L3MBTL3: variants seen among roughly 807,000 people sequenced by gnomAD.
The protein encoded by L3MBTL3 is lethal(3)malignant brain tumor-like protein 3.
L3MBTL3 carries 27 observed loss-of-function variants against 102.3 expected under a neutral mutation model. The observed-to-expected ratio is 0.26, with a 90% CI of 0.19 to 0.36. The LOEUF (loss-of-function observed/expected upper bound fraction) is 0.36, where lower values mean the gene tolerates loss of function less well. Ranked by LOEUF, L3MBTL3 falls within the 10% of genes least tolerant of loss-of-function variation. L3MBTL3 has a pLI of 1.00. For missense variants in L3MBTL3, 798 were observed against 955.3 expected (o/e 0.84, Z 2.17); for synonymous variants, 340 against 320.9 (o/e 1.06, Z -0.64).
At chr6:130,046,572 G>A (rs1247471835) in intron 3 of L3MBTL3, among the ~76,000 whole-genome samples, 1 of 152,144 alleles carries the variant, frequency 6.6e-6, no homozygotes, top group Non-Finnish European at 1.5e-5. Flanking sequence ...TATATTTCAG[G>A]CATAATTTTT....
chr6:130,040,519 C>A (rs1780354907), intron 2 of L3MBTL3, among the ~76,000 whole-genome samples: 1 of 152,144 alleles, frequency 6.6e-6, no homozygotes, highest in South Asian at 2.1e-4. Context: ...ACTATCACCA[C>A]CCATCCACTG....
Position 130,093,554 on chromosome 6 carries a change from GA to G in L3MBTL3, c.1633+700del, listed in dbSNP as rs1345298279. Among the ~76,000 whole-genome samples the G allele has an allele frequency of 9.9e-5, 15 of 152,262 alleles. No individual in the cohort carries two copies. The South Asian group carries it at 2.9e-3, about 29-fold the overall frequency. ...CCTATTTAGAATAACAAAGCTTGGG[GA>G]AAAATATTGGTTAAATAAATTTTGG... On this transcript the variant is annotated intron_variant, in intron 17 of 22. Transcript: ENST00000361794.
intron 14 of L3MBTL3, among the ~76,000 whole-genome samples, chr6:130,080,262 G>GAAAA (rs35551443): frequency 7.2e-6 from 1 of 139,358 alleles, no homozygotes; most frequent in African/African-American, 2.6e-5. Context: ...CAAGAAAAAA[G>GAAAA]AAAAAAAAAA....
chr6:130,041,153 G>A (rs1584303095), intron 2 of L3MBTL3, among the ~76,000 whole-genome samples: 1 of 152,304 alleles, frequency 6.6e-6, no homozygotes, highest in South Asian at 2.1e-4. Context: ...AGAATTTCTG[G>A]TAATCTGGAT....
intron 20 of L3MBTL3, among the ~76,000 whole-genome samples, chr6:130,125,259 G>A (rs375871846): frequency 6.6e-6 from 1 of 152,164 alleles, no homozygotes; most frequent in Non-Finnish European, 1.5e-5. Context: ...TCAGTCTCTC[G>A]TTCTGTCGAG....
chr6:130,122,401 G>T (rs146573842), intron 20 of L3MBTL3, among the ~76,000 whole-genome samples: 443 of 152,292 alleles, frequency 2.9e-3, no homozygotes, highest in African/African-American at 9.9e-3. Context: ...AATGGTCAGA[G>T]TTGGAATCTC....
intron 18 of L3MBTL3, among the ~76,000 whole-genome samples, chr6:130,095,153 A>G (rs1784288103): frequency 1.3e-5 from 2 of 152,204 alleles, no homozygotes; most frequent in Non-Finnish European, 2.9e-5. Flanking sequence ...TGTCGGTATA[A>G]TGTTCTAACT....
Position 130,092,836 on chromosome 6 carries a change from GACATC to G in L3MBTL3, c.1611_1615del (p.His538ProfsTer25). ...CCTGTAGGCTGGTGTTCAAAAACAGGACATCCCCTTCAGCCTCCTTTGAGTAAGAG... is the reference window on the plus strand; with the variant it reads ...CCTGTAGGCTGGTGTTCAAAAACAGGCCCTTCAGCCTCCTTTGAGTAAGAG... On this transcript the variant is annotated frameshift_variant, in exon 17 of 23. Coordinates refer to ENST00000361794, the MANE Select transcript of L3MBTL3 (RefSeq NM_032438.4). LOFTEE classifies it high-confidence loss of function. 6.2e-7 allele frequency: 1 copy of G among 1,608,864 alleles called. No individual in the cohort carries two copies. The highest frequency in any genetic ancestry group is 8.5e-7 in the Non-Finnish European group (1 of 1,175,386).
chr6:130,041,735 G>A (rs1182638371), intron 2 of L3MBTL3, among the ~76,000 whole-genome samples: 1 of 152,194 alleles, frequency 6.6e-6, no homozygotes, highest in East Asian at 1.9e-4. Flanking sequence ...CTTTGGATAT[G>A]ACTTCTGTTG....
At chr6:130,023,570 T>C (rs1447573998) in intron 2 of L3MBTL3, among the ~76,000 whole-genome samples, 2 of 152,198 alleles carry the variant, frequency 1.3e-5, no homozygotes, top group African/African-American at 2.4e-5. Context: ...TAACTAGATA[T>C]ATCACCTTGT....
intron 2 of L3MBTL3, among the ~76,000 whole-genome samples, chr6:130,040,511 T>C (rs183218401): frequency 1.4e-4 from 22 of 152,268 alleles, no homozygotes; most frequent in African/African-American, 5.1e-4. Context: ...CATCCATTAC[T>C]ATCACCACCC....
chr6:130,067,687 G>A (rs1229513339), intron 11 of L3MBTL3, among the ~76,000 whole-genome samples: 1 of 152,126 alleles, frequency 6.6e-6, no homozygotes, highest in African/African-American at 2.4e-5. Context: ...TTATTAGCTG[G>A]TTTTTTCATG....
In L3MBTL3 at chr6:130,133,350, T is replaced by C. The variant is rs1787261311; in HGVS notation, c.1967-102T>C. The stretch of plus-strand genomic sequence containing the variant: ...ATAATGCTGAAAGGAACCAATGCTT[T>C]AACCACTCCCACCTCCAGTCTCGTT... On this transcript the variant is annotated intron_variant, in intron 20 of 22. Transcript: ENST00000361794. This position sits in a 1 kb window ranked among gnomAD's most constrained non-coding sequence, Gnocchi z 4.9. The C allele has an allele frequency of 9.0e-7, 1 of 1,117,022 alleles. No homozygotes were observed. The highest frequency in any genetic ancestry group is 1.3e-6 in the Non-Finnish European group (1 of 762,110). 69.2% of individuals were successfully genotyped at this position (1,117,022 alleles called of 1,614,324 possible). A position where few individuals can be genotyped will look rare whatever the true frequency, so the allele number is the denominator to read the frequency against.
rs953838499 is a variant in L3MBTL3 at position 130,139,123 on chromosome 6, A to G, written c.2200-487A>G. Among the ~76,000 whole-genome samples the G allele has an allele frequency of 2.0e-5, 3 of 151,934 alleles. No individual in the cohort carries two copies. The South Asian group carries it at 6.2e-4, about 32-fold the overall frequency. Reference sequence around the variant, plus strand: ...ACTTAACTGTGGCCACACTAGAGATAAGTGTTATCTTTCTGATTTTCTTTT... The same window carrying G: ...ACTTAACTGTGGCCACACTAGAGATGAGTGTTATCTTTCTGATTTTCTTTT... On this transcript the variant is annotated intron_variant, in intron 22 of 22. Coordinates refer to ENST00000361794, the MANE Select transcript of L3MBTL3 (RefSeq NM_032438.4).
intron 3 of L3MBTL3, among the ~76,000 whole-genome samples, chr6:130,046,894 T>C (rs1423313948): frequency 3.3e-5 from 5 of 152,212 alleles, no homozygotes. Flanking sequence ...ATTCTGTCTG[T>C]AGGACTTCAG....
chr6:130,023,628 G>A (rs9398932), intron 2 of L3MBTL3, among the ~76,000 whole-genome samples: 24,666 of 152,040 alleles, frequency 0.16, 2,118 homozygotes, highest in East Asian at 0.29. Flanking sequence ...TCTACAGAGC[G>A]GGAACAGCAA....
intron 2 of L3MBTL3, among the ~76,000 whole-genome samples, chr6:130,042,324 C>G (rs975063076): frequency 6.6e-6 from 1 of 152,114 alleles, no homozygotes; most frequent in African/African-American, 2.4e-5. Flanking sequence ...TTTCTAGTGT[C>G]TTAAAACAGA....
In L3MBTL3 at chr6:130,126,667, C is replaced by A. The variant is rs140387440; in HGVS notation, c.1966+5709C>A. Among the ~76,000 whole-genome samples the A allele has an allele frequency of 3.9e-3, 601 of 152,206 alleles. 5 individuals carry two copies. Among genetic ancestry groups the A allele is most frequent in the Middle Eastern group, 0.01 (3 of 294 alleles). On this transcript the variant is annotated intron_variant, in intron 20 of 22. Transcript: ENST00000361794. ...CCTGTACTCAACCAGAAATGAGAGG[C>A]ATGTGAGCAGATTTGATTTGCAGAT... is the stretch of plus-strand genomic sequence containing the variant.
Position 130,055,194 on chromosome 6 carries a change from C to T in L3MBTL3, c.606C>T (p.Ile202=). The change falls in exon 8 of 23, where the codon ATC becomes ATT. Residue 202 remains isoleucine (I), a synonymous_variant. Transcript: ENST00000361794. ...AGGAGAACAAACAAGATGTAAGAAT[C>T]CTGAGGGGTTCGCAGAGAGCACGGA... ...DEMENKQDVR[I]LRGSQRARRK... is the part of the protein sequence containing the mutation. 1 of 1,613,778 alleles carries T rather than the reference C, an allele frequency of 6.2e-7. No homozygotes were observed. The highest frequency in any genetic ancestry group is 8.5e-7 in the Non-Finnish European group (1 of 1,179,768).
Sources: gnomAD v4.1 joint callset for allele counts (sites outside exome capture counted in the v4.1 genomes callset) on GRCh38, gnomAD v4.1.1 for gene constraint, Gnocchi (gnomAD v3.1) non-coding constraint, MANE v1.5 for transcripts, NCBI Gene and HGNC (gene_info 2026-07-23, HGNC 2026-07-21) for gene names.